PDE12: variants seen among roughly 807,000 people sequenced by gnomAD.
PDE12 encodes phosphodiesterase 12, also known as 2',5'-phosphodiesterase 12.
In PDE12, 26 loss-of-function variants were observed where a neutral mutation model predicts 45.4. The observed-to-expected ratio is 0.57, with a 90% CI of 0.42 to 0.79. PDE12 has a LOEUF of 0.79. PDE12 is among the 30% of genes least tolerant of loss of function. The pLI, the probability that PDE12 is intolerant of heterozygous loss-of-function variation, is 0.00. For synonymous variants in PDE12, 283 were observed against 323.9 expected (o/e 0.87, Z 1.36); for missense variants, 668 against 790.0 (o/e 0.85, Z 1.85).
the PDE12 span, chr3:57,577,256 C>T: frequency 1.5e-6 from 2 of 1,375,700 alleles, no homozygotes; most frequent in Non-Finnish European, 2.1e-6. Context: ...ACTAAACCAC[C>T]ACCAGTTTAA....
the PDE12 span, among the ~76,000 whole-genome samples, chr3:57,594,338 C>T: frequency 6.6e-6 from 1 of 152,196 alleles, no homozygotes; most frequent in Non-Finnish European, 1.5e-5. Context: ...TCCTCCCAAC[C>T]TGGCCTCCCA....
At position 57,557,595 on chromosome 3, in the gene PDE12, G is replaced by C. The variant is rs778808470; in HGVS notation, c.1216G>C (p.Glu406Gln). ...TGACATTTCATTCTACGAAGCCCTC[G>C]AGTCCGACCCACTTCACAAAGAACT... ...QHDISFYEALESDPLHKELLE... is the reference protein window; with the variant it reads ...QHDISFYEALQSDPLHKELLE... The change falls in exon 1 of 3, where the codon GAG becomes CAG. Residue 406 changes from glutamate to glutamine, a missense_variant. By Grantham distance (29) the Glu-to-Gln change is conservative (BLOSUM62 2). Coordinates refer to ENST00000311180, the MANE Select transcript of PDE12 (RefSeq NM_177966.7). 1.9e-6 allele frequency: 3 copies of C among 1,613,876 alleles called. No homozygotes were observed. Among genetic ancestry groups the C allele is most frequent in the Non-Finnish European group, 2.5e-6 (3 of 1,180,016 alleles).
the PDE12 span, chr3:57,577,222 GT>G: frequency 5.9e-6 from 6 of 1,011,838 alleles, no homozygotes; most frequent in African/African-American, 9.7e-5. Flanking sequence ...ATCCATTTGT[GT>G]AATCTAATCA....
chr3:57,588,006 G>A, the PDE12 span, among the ~76,000 whole-genome samples: 1 of 152,024 alleles, frequency 6.6e-6, no homozygotes, highest in Non-Finnish European at 1.5e-5. Context: ...AAACATATTG[G>A]TCCAACAATT....
chr3:57,603,289 C>T, the PDE12 span, among the ~76,000 whole-genome samples: 1 of 152,194 alleles, frequency 6.6e-6, no homozygotes, highest in Non-Finnish European at 1.5e-5. Flanking sequence ...CCTCCCCTTG[C>T]CCAAATCTCC....
chr3:57,604,648 T>C, the PDE12 span, among the ~76,000 whole-genome samples: 1 of 146,572 alleles, frequency 6.8e-6, no homozygotes, highest in East Asian at 2.0e-4. Context: ...AGTCTCACTC[T>C]GTTACCCAGG....
chr3:57,603,135 C>G, the PDE12 span, among the ~76,000 whole-genome samples: 4 of 151,706 alleles, frequency 2.6e-5, no homozygotes, highest in African/African-American at 9.7e-5. Context: ...CCACTGCACT[C>G]TAGCCTGGGC....
At chr3:57,634,711 G>T in the PDE12 span, 1 of 1,557,778 alleles carries the variant, frequency 6.4e-7, no homozygotes, top group South Asian at 1.2e-5. Flanking sequence ...TACCAGGTTT[G>T]GAATCCAGAG....
At chr3:57,587,319 C>CAAAA in the PDE12 span, among the ~76,000 whole-genome samples, 23 of 45,368 alleles carry the variant, frequency 5.1e-4, no homozygotes, top group Non-Finnish European at 8.9e-4. Flanking sequence ...AACTCAGTCT[C>CAAAA]AAAAAAAAAA....
At chr3:57,570,264 T>G (rs1337679385), downstream of PDE12, among the ~76,000 whole-genome samples, 1 of 129,340 alleles carries the variant, frequency 7.7e-6, no homozygotes, top group Non-Finnish European at 1.6e-5. Flanking sequence ...GCAGACCGTG[T>G]GCAGTGGCGC....
the PDE12 span, among the ~76,000 whole-genome samples, chr3:57,611,816 A>T: frequency 6.6e-6 from 1 of 152,216 alleles, no homozygotes; most frequent in African/African-American, 2.4e-5. Flanking sequence ...CCATTGTGGA[A>T]GATAGTGTGG....
chr3:57,567,763 C>G (rs565021276), downstream of PDE12, among the ~76,000 whole-genome samples: 1 of 152,124 alleles, frequency 6.6e-6, no homozygotes, highest in East Asian at 1.9e-4. Context: ...TACAAGCTAC[C>G]AGAAGGTACA....
the PDE12 span, among the ~76,000 whole-genome samples, chr3:57,587,268 G>A: frequency 4.9e-5 from 7 of 143,634 alleles, no homozygotes; most frequent in South Asian, 2.2e-4. Flanking sequence ...GCAGTGAGCC[G>A]AGATCGTGCC....
chr3:57,641,645 T>C, the PDE12 span: 5 of 1,605,806 alleles, frequency 3.1e-6, no homozygotes, highest in African/African-American at 2.7e-5. Context: ...ACCAAGTTTA[T>C]ACTTTACCTG....
At chr3:57,639,581 G>C in the PDE12 span, among the ~76,000 whole-genome samples, 2 of 152,126 alleles carry the variant, frequency 1.3e-5, no homozygotes, top group Non-Finnish European at 2.9e-5. Flanking sequence ...CAAGACTCTA[G>C]CAACTGTTGT....
chr3:57,558,871 A>G (rs892514442), intron 1 of PDE12, among the ~76,000 whole-genome samples: 1 of 152,046 alleles, frequency 6.6e-6, no homozygotes, highest in African/African-American at 2.4e-5. Context: ...TCATGACTGC[A>G]GTCCTAGTTC....
chr3:57,654,650 C>T, the PDE12 span: 1 of 985,254 alleles, frequency 1.0e-6, no homozygotes, highest in South Asian at 4.7e-5. Context: ...TCTAATCTCA[C>T]CTCAAAAACA....
chr3:57,655,943 T>C, the PDE12 span, among the ~76,000 whole-genome samples: 2 of 152,368 alleles, frequency 1.3e-5, no homozygotes, highest in South Asian at 4.1e-4. Flanking sequence ...TATTCCTTAA[T>C]GAGTCAAGTA....
the PDE12 span, chr3:57,600,869 A>G: frequency 6.6e-6 from 1 of 152,132 alleles, no homozygotes; most frequent in Non-Finnish European, 1.5e-5. Flanking sequence ...ATTTTAAAAA[A>G]TATTTTAAAA....
Sources: allele counts gnomAD v4.1 joint callset (sites outside exome capture counted in the v4.1 genomes callset), GRCh38; gene constraint gnomAD v4.1.1; transcripts MANE v1.5; gene names NCBI Gene and HGNC (gene_info 2026-07-23, HGNC 2026-07-21).